The following KALRN variants were observed in gnomAD, a reference collection of about 807,000 sequenced individuals.
KALRN encodes the protein kalirin RhoGEF kinase, also known as kalirin.
In KALRN, 70 loss-of-function variants were observed where a neutral mutation model predicts 353.7. The ratio of observed to expected loss-of-function variants is 0.20; its 90% CI spans 0.16 to 0.24. KALRN has a LOEUF of 0.24. KALRN is among the 10% of genes least tolerant of loss of function. The pLI is 1.00. For synonymous variants in KALRN, 1,391 were observed against 1,434.8 expected (o/e 0.97, Z 0.69); for missense variants, 2,791 against 3,756.7 (o/e 0.74, Z 6.72).
chr3:124,545,525 G>A (rs2069529267), intron 33 of KALRN, among the ~76,000 whole-genome samples: 1 of 152,206 alleles, frequency 6.6e-6, no homozygotes, highest in Non-Finnish European at 1.5e-5. Flanking sequence ...GGCAGTGTGG[G>A]AAGCTCACAC....
chr3:124,077,686 C>G (rs1017144258), intron 1 of KALRN, among the ~76,000 whole-genome samples: 1 of 152,180 alleles, frequency 6.6e-6, no homozygotes, highest in Non-Finnish European at 1.5e-5. Context: ...AGGCTTCAAA[C>G]CTGACTCCCA....
intron 51 of KALRN, among the ~76,000 whole-genome samples, chr3:124,691,482 T>C (rs1207186056): frequency 6.6e-6 from 1 of 152,130 alleles, no homozygotes; most frequent in African/African-American, 2.4e-5. Flanking sequence ...TTGCAGAATA[T>C]TTGGGAAGCC....
At chr3:124,650,716 C>G (rs1311016420) in intron 37 of KALRN, 92 bp from the exon 38 acceptor site, 2 of 1,297,044 alleles carry the variant, frequency 1.5e-6, no homozygotes, top group Middle Eastern at 1.9e-4. Context: ...TACTGATTTT[C>G]CATGTTGTCT....
At chr3:124,631,498 C>T (rs1242648456) in intron 34 of KALRN, among the ~76,000 whole-genome samples, 1 of 152,180 alleles carries the variant, frequency 6.6e-6, no homozygotes, top group African/African-American at 2.4e-5. Flanking sequence ...CTGAGATACC[C>T]TTGACTCTTT....
chr3:124,587,698 C>CTTTTTTTTTTTTTTTTTTTTTTTTT lies in KALRN; in HGVS notation c.5182+24610_5182+24634dup, dbSNP rs529810541. On this transcript the variant is annotated intron_variant, in intron 34 of 59. Transcript: ENST00000682506. ...TTTTTCCCTCCACCCCCACCCTCCA[C>CTTTTTTTTTTTTTTTTTTTTTTTTT]TTTTTTTTTTTTTTTTTTTTTTTTT... 3.6e-4 allele frequency among the ~76,000 whole-genome samples: 27 copies of CTTTTTTTTTTTTTTTTTTTTTTTTT among 75,858 alleles called. 4 individuals carry two copies. Among genetic ancestry groups the CTTTTTTTTTTTTTTTTTTTTTTTTT allele is most frequent in the Non-Finnish European group, 5.2e-4 (22 of 42,640 alleles). The allele number at this position is 75,858 out of a possible 152,430, so 49.8% of individuals were successfully genotyped here. A position where few individuals can be genotyped will look rare whatever the true frequency, so the allele number is the denominator to read the frequency against.
intron 1 of KALRN, among the ~76,000 whole-genome samples, chr3:124,196,602 C>T (rs939287100): frequency 9.9e-5 from 15 of 152,090 alleles, no homozygotes; most frequent in African/African-American, 3.4e-4. Flanking sequence ...CTACTTATTT[C>T]TAAATCTTCA....
At chr3:124,191,594 T>C (rs2074925641) in intron 1 of KALRN, among the ~76,000 whole-genome samples, 1 of 152,218 alleles carries the variant, frequency 6.6e-6, no homozygotes, top group East Asian at 1.9e-4. Context: ...ATGTCTAAGA[T>C]GGTTTTTTTA....
At position 124,033,831 on chromosome 3, in the gene KALRN, C is replaced by CG. The variant is rs1268322503; in HGVS notation, c.73+24dup. ...CCGGACAGGTAAGCCGGGCAGGGCG[C>CG]GGGGGGCCAGGGCTGAAGGCTACTG... On this transcript the variant is annotated intron_variant, in intron 1 of 59. Transcript: ENST00000682506. The surrounding 1 kb of genome is among the most constrained non-coding windows in gnomAD (Gnocchi z 6.2). 6.6e-6 allele frequency among the ~76,000 whole-genome samples: 1 copy of CG among 152,170 alleles called. No homozygotes were observed. Among genetic ancestry groups the CG allele is most frequent in the African/African-American group, 2.4e-5 (1 of 41,454 alleles).
intron 13 of KALRN, among the ~76,000 whole-genome samples, chr3:124,412,373 G>C (rs1464548881): frequency 2.0e-5 from 3 of 152,242 alleles, no homozygotes; most frequent in African/African-American, 4.8e-5. Flanking sequence ...GGAAATGTGT[G>C]ACCTGGAGTG....
At chr3:124,348,736 T>A (rs978616831) in intron 10 of KALRN, among the ~76,000 whole-genome samples, 1 of 152,182 alleles carries the variant, frequency 6.6e-6, no homozygotes, top group Non-Finnish European at 1.5e-5. Flanking sequence ...AGATTTTTTT[T>A]TGAGACAGTC....
At chr3:124,281,051 A>G (rs1272457066) in intron 5 of KALRN, among the ~76,000 whole-genome samples, 2 of 152,120 alleles carry the variant, frequency 1.3e-5, no homozygotes, top group Non-Finnish European at 2.9e-5. Flanking sequence ...TAGAACTTAA[A>G]GTATAATAAA....
At chr3:124,286,082 C>CCTTTCTTTTTCTTT (rs2075817459) in intron 5 of KALRN, among the ~76,000 whole-genome samples, 1 of 102,156 alleles carries the variant, frequency 9.8e-6, no homozygotes, top group African/African-American at 3.8e-5. Context: ...TTCTTTCCTT[C>CCTTTCTTTTTCTTT]CTTTCTTTCT....
chr3:124,485,091 G>A (rs600943), intron 28 of KALRN, among the ~76,000 whole-genome samples: 1,820 of 152,110 alleles, frequency 0.012, 17 homozygotes, highest in Non-Finnish European at 0.019. Context: ...GTGAGACTCC[G>A]TCTCAAAAAA....
chr3:124,076,636 C>A (rs760582919), intron 1 of KALRN, among the ~76,000 whole-genome samples: 16 of 152,208 alleles, frequency 1.1e-4, no homozygotes, highest in Non-Finnish European at 1.8e-4. Context: ...TATTTTAGAT[C>A]ATTTTCTCTA....
In KALRN at chr3:124,124,291, G is replaced by T. The variant is rs374250624; in HGVS notation, c.73+90478G>T. On this transcript the variant is annotated intron_variant, in intron 1 of 59. Coordinates refer to ENST00000682506, the MANE Select transcript of KALRN (RefSeq NM_001388419.1). Reference sequence around the variant, plus strand: ...TTCAGTGGCAGAAGTAACCACAGATGTGGAAGACATAGCAAGAAAACTAGA... The same window carrying T: ...TTCAGTGGCAGAAGTAACCACAGATTTGGAAGACATAGCAAGAAAACTAGA... 2.0e-4 allele frequency among the ~76,000 whole-genome samples: 30 copies of T among 152,320 alleles called. No individual in the cohort carries two copies. In the East Asian group the frequency reaches 2.1e-3, roughly 11 times the overall value.
rs1376975029 is a variant in KALRN, at chr3:124,657,483, T to C, written c.5898T>C (p.Pro1966=). ...FMKRIEEKGV[P]EDMRGKDKIV... is the part of the protein sequence containing the mutation. ...AGAGAATAGAAGAAAAGGGTGTCCC[T>C]GAGGATATGCGAGGAAAGGACAAAA... The change falls in exon 40 of 60, where the codon CCT becomes CCC. Residue 1966 remains proline, a synonymous_variant. Transcript: ENST00000682506. 2 of 1,614,044 alleles carry C rather than the reference T, an allele frequency of 1.2e-6. No homozygotes were observed. Among genetic ancestry groups the C allele is most frequent in the Admixed American group, 3.3e-5 (2 of 60,022 alleles).
chr3:124,152,316 G>A lies in KALRN; in HGVS notation c.74-75674G>A. On this transcript the variant is annotated intron_variant, in intron 1 of 59. Transcript: ENST00000682506. ...TCCTCAGCATATTAATTGAAGTCTT[G>A]TTAAGCTTCACAAAGGTTCCATTGA... is the stretch of plus-strand genomic sequence containing the variant. 3 of 1,210,382 alleles carry A rather than the reference G, an allele frequency of 2.5e-6. No homozygotes were observed. In the South Asian group the frequency reaches 3.6e-5, roughly 15 times the overall value. The allele number at this position is 1,210,382 out of a possible 1,614,324, so 75.0% of individuals were successfully genotyped here. A position where few individuals can be genotyped will look rare whatever the true frequency, so the allele number is the denominator to read the frequency against.
intron 51 of KALRN, among the ~76,000 whole-genome samples, chr3:124,681,563 T>C (rs191454788): frequency 5.3e-5 from 8 of 151,704 alleles, no homozygotes; most frequent in Non-Finnish European, 1.5e-5. Context: ...AGCAGCAATA[T>C]CCCCAGTATG....
In KALRN at chr3:124,195,555, T is replaced by C. The variant is rs116081314; in HGVS notation, c.74-32435T>C. Among the ~76,000 whole-genome samples, 608 of 152,280 alleles carry C rather than the reference T, an allele frequency of 4.0e-3. 4 individuals are homozygous for C. Among genetic ancestry groups the C allele is most frequent in the African/African-American group, 0.014 (593 of 41,562 alleles). ...TTTCCCCTCCTCCTCAAGGGCCATG[T>C]AGAATCACCTGTCTTATCCAACCTG... On this transcript the variant is annotated intron_variant, in intron 1 of 59. Coordinates refer to ENST00000682506, the MANE Select transcript of KALRN (RefSeq NM_001388419.1).
Sources: allele counts gnomAD v4.1 joint callset (sites outside exome capture counted in the v4.1 genomes callset), GRCh38; gene constraint gnomAD v4.1.1; non-coding constraint Gnocchi (gnomAD v3.1); transcripts MANE v1.5; gene names NCBI Gene and HGNC (gene_info 2026-07-23, HGNC 2026-07-21).